Variants in MACROD2 observed in about 807,000 individuals in gnomAD.
MACROD2 encodes ADP-ribose glycohydrolase MACROD2.
MACROD2 carries 36 observed loss-of-function variants against 70.4 expected under a neutral mutation model. That is an observed-to-expected ratio of 0.51 (90% CI 0.39 to 0.68). The LOEUF is 0.68. MACROD2 is among the 30% of genes least tolerant of loss of function. MACROD2 has a pLI of 0.00. For missense variants in MACROD2, 496 were observed against 538.4 expected (o/e 0.92, Z 0.78); for synonymous variants, 172 against 178.8 (o/e 0.96, Z 0.30).
At chr20:15,128,875 A>G (rs905051676) in intron 5 of MACROD2, among the ~76,000 whole-genome samples, 4 of 150,330 alleles carry the variant, frequency 2.7e-5, no homozygotes, top group African/African-American at 9.8e-5. Context: ...TTTGATTGCT[A>G]TGTCATTGAA....
In MACROD2 at chr20:15,434,590, C is replaced by T. The variant is rs755020293; in HGVS notation, c.571+3155C>T. 6.3e-4 allele frequency among the ~76,000 whole-genome samples: 96 copies of T among 152,066 alleles called. 1 individual carries two copies. Among genetic ancestry groups the T allele is most frequent in the Non-Finnish European group, 1.3e-4 (9 of 67,994 alleles). ...CTGGCGGGAATGTAAATTAGTACAA[C>T]CATTATGGAAAATGGTATGGAGATT... On this transcript the variant is annotated intron_variant, in intron 7 of 17. Coordinates refer to ENST00000684519, the MANE Select transcript of MACROD2 (RefSeq NM_001351661.2).
intron 5 of MACROD2, among the ~76,000 whole-genome samples, chr20:15,100,388 C>T (rs548162465): frequency 1.3e-5 from 2 of 152,272 alleles, no homozygotes; most frequent in South Asian, 4.1e-4. Context: ...ATATCAGTAT[C>T]TAATAGTGTC....
At chr20:14,399,300 C>T (rs1294843125) in intron 3 of MACROD2, among the ~76,000 whole-genome samples, 3 of 152,026 alleles carry the variant, frequency 2.0e-5, no homozygotes, top group African/African-American at 7.2e-5. Context: ...CCGTGCCTGG[C>T]CTGAATGAGT....
intron 3 of MACROD2, among the ~76,000 whole-genome samples, chr20:14,123,049 G>C (rs2054605012): frequency 6.6e-6 from 1 of 152,154 alleles, no homozygotes; most frequent in Admixed American, 6.5e-5. Flanking sequence ...TGGTACCACA[G>C]AGAAATTAGC....
At chr20:15,321,400 C>T (rs578103367) in intron 6 of MACROD2, among the ~76,000 whole-genome samples, 7 of 144,314 alleles carry the variant, frequency 4.9e-5, no homozygotes, top group Admixed American at 1.4e-4. Flanking sequence ...TGAGCAGGCC[C>T]ATAAACTCCC....
intron 3 of MACROD2, among the ~76,000 whole-genome samples, chr20:14,247,796 A>C (rs2081979377): frequency 6.6e-6 from 1 of 152,220 alleles, no homozygotes; most frequent in South Asian, 2.1e-4. Flanking sequence ...TTTCTAAGAC[A>C]AAAAAATTCA....
Position 15,869,238 on chromosome 20 carries a change from T to TATATATATATATATATAGAGAGAGAG in MACROD2, c.727+6413_727+6414insTATATATATATATATAGAGAGAGAGA. 4.6e-4 allele frequency among the ~76,000 whole-genome samples: 13 copies of TATATATATATATATATAGAGAGAGAG among 28,282 alleles called. 1 individual carries two copies. The highest frequency in any genetic ancestry group is 5.4e-3 in the South Asian group (1 of 184). 18.6% of individuals were successfully genotyped at this position (28,282 alleles called of 152,430 possible). A position where few individuals can be genotyped will look rare whatever the true frequency, so the allele number is the denominator to read the frequency against. The stretch of plus-strand genomic sequence containing the variant: ...ATATATATATATATATATATATATA[T>TATATATATATATATATAGAGAGAGAG]AGAGAGAGAGAGAGAGAGAGAGAGA... On this transcript the variant is annotated intron_variant, in intron 9 of 17. Coordinates refer to ENST00000684519, the MANE Select transcript of MACROD2 (RefSeq NM_001351661.2).
intron 2 of MACROD2, among the ~76,000 whole-genome samples, chr20:14,016,166 T>C (rs2052988374): frequency 6.6e-6 from 1 of 152,190 alleles, no homozygotes; most frequent in Non-Finnish European, 1.5e-5. Flanking sequence ...TGTTTTGGTT[T>C]TGGTTGTTTG....
rs540360294 is a variant in MACROD2, at chr20:15,265,169, T to A, written c.540+35108T>A. 3.3e-5 allele frequency among the ~76,000 whole-genome samples: 5 copies of A among 152,292 alleles called. No individual in the cohort carries two copies. In the South Asian group the frequency reaches 1.0e-3, roughly 32 times the overall value. ...GAGGTGCTAAGAAGTGGCTATTTGA[T>A]CACCCTGCAAGCTCTCCTCTCTGTG... On this transcript the variant is annotated intron_variant, in intron 6 of 17. Coordinates refer to ENST00000684519, the MANE Select transcript of MACROD2 (RefSeq NM_001351661.2).
intron 7 of MACROD2, among the ~76,000 whole-genome samples, chr20:15,483,924 C>T (rs2047131219): frequency 6.6e-6 from 1 of 152,058 alleles, no homozygotes; most frequent in East Asian, 1.9e-4. Flanking sequence ...ATCTTGCAAT[C>T]TTGCTATAAT....
At chr20:14,047,102 G>A (rs1449572427) in intron 2 of MACROD2, among the ~76,000 whole-genome samples, 1 of 152,074 alleles carries the variant, frequency 6.6e-6, no homozygotes. Context: ...AAAATGCAAA[G>A]CAATGGTATA....
chr20:14,525,397 A>T (rs945164049), intron 4 of MACROD2, among the ~76,000 whole-genome samples: 1 of 152,244 alleles, frequency 6.6e-6, no homozygotes, highest in Admixed American at 6.5e-5. Flanking sequence ...AGCAGCCTTC[A>T]TGTAGCAGGT....
chr20:14,329,061 C>G (rs933336080), intron 3 of MACROD2: 2 of 152,010 alleles, frequency 1.3e-5, no homozygotes, highest in African/African-American at 4.8e-5. Flanking sequence ...GCAGTTACCC[C>G]CTACCTTTAT....
At chr20:15,579,907 A>G (rs1325062639) in intron 8 of MACROD2, among the ~76,000 whole-genome samples, 2 of 152,232 alleles carry the variant, frequency 1.3e-5, no homozygotes, top group African/African-American at 4.8e-5. Flanking sequence ...TCCTACAGGA[A>G]AACACAGAAT....
chr20:14,683,122 G>T (rs922237327), intron 4 of MACROD2, among the ~76,000 whole-genome samples: 25 of 152,090 alleles, frequency 1.6e-4, no homozygotes, highest in South Asian at 2.1e-4. Context: ...CAGGTGATCC[G>T]CCCGCCTCAG....
chr20:14,313,806 A>G, intron 3 of MACROD2, among the ~76,000 whole-genome samples: 1 of 152,194 alleles, frequency 6.6e-6, no homozygotes. Context: ...ATGGACAACC[A>G]GTGAATAGAC....
At chr20:14,150,990 A>G (rs951618626) in intron 3 of MACROD2, among the ~76,000 whole-genome samples, 1 of 152,208 alleles carries the variant, frequency 6.6e-6, no homozygotes, top group African/African-American at 2.4e-5. Context: ...TAAAAGCATA[A>G]GGCCAGTATT....
At chr20:14,830,142 A>G (rs564680543) in intron 5 of MACROD2, among the ~76,000 whole-genome samples, 1 of 152,220 alleles carries the variant, frequency 6.6e-6, no homozygotes, top group African/African-American at 2.4e-5. Flanking sequence ...TGTAAAATGT[A>G]TGCTTGGTTG....
intron 17 of MACROD2, among the ~76,000 whole-genome samples, chr20:16,045,323 A>G (rs938659201): frequency 6.6e-6 from 1 of 152,144 alleles, no homozygotes; most frequent in Non-Finnish European, 1.5e-5. Context: ...AGACTAAAAT[A>G]TATTTAGAAT....
Sources: gnomAD v4.1 joint callset for allele counts (sites outside exome capture counted in the v4.1 genomes callset) on GRCh38, gnomAD v4.1.1 for gene constraint, MANE v1.5 for transcripts, NCBI Gene and HGNC (gene_info 2026-07-23, HGNC 2026-07-21) for gene names.